The following RALGPS2 variants were observed in gnomAD, a reference collection of about 807,000 sequenced individuals.
RALGPS2 encodes Ral GEF with PH domain and SH3 binding motif 2, also known as ras-specific guanine nucleotide-releasing factor RalGPS2.
In RALGPS2, 43 loss-of-function variants were observed where a neutral mutation model predicts 86.8. That is an observed-to-expected ratio of 0.50 (90% CI 0.39 to 0.64). The LOEUF (loss-of-function observed/expected upper bound fraction) is 0.64. Among genes scored for constraint, RALGPS2 ranks in the 30% least tolerant of loss-of-function variants. The pLI, the probability that RALGPS2 is intolerant of heterozygous loss-of-function variation, is 0.00. For synonymous variants in RALGPS2, 243 were observed against 231.3 expected (o/e 1.05, Z -0.46); for missense variants, 536 against 694.6 (o/e 0.77, Z 2.57).
intron 4 of RALGPS2, among the ~76,000 whole-genome samples, chr1:178,786,155 A>G (rs952381854): frequency 2.0e-5 from 3 of 152,048 alleles, no homozygotes; most frequent in Admixed American, 1.3e-4. Context: ...TGCTATCTCA[A>G]GGGTGGTAGA....
At chr1:178,743,299 G>C (rs573733206) in intron 1 of RALGPS2, among the ~76,000 whole-genome samples, 1 of 152,278 alleles carries the variant, frequency 6.6e-6, no homozygotes, top group South Asian at 2.1e-4. Flanking sequence ...CATAAGAAAA[G>C]AAGAAAGATC....
chr1:178,903,834 T>C (rs1391319890), intron 18 of RALGPS2, among the ~76,000 whole-genome samples: 3 of 152,166 alleles, frequency 2.0e-5, no homozygotes, highest in African/African-American at 7.2e-5. Flanking sequence ...ATCTTTTTCA[T>C]ATAATGACTT....
intron 5 of RALGPS2, among the ~76,000 whole-genome samples, chr1:178,810,283 A>G (rs1185148855): frequency 6.6e-6 from 1 of 152,030 alleles, no homozygotes; most frequent in Non-Finnish European, 1.5e-5. Flanking sequence ...GCTACTTAGG[A>G]GGCTGAGTCA....
intron 1 of RALGPS2, among the ~76,000 whole-genome samples, chr1:178,752,081 C>T (rs891485750): frequency 1.3e-5 from 2 of 151,860 alleles, no homozygotes; most frequent in African/African-American, 4.8e-5. Context: ...TAGTCTGCTA[C>T]CTAGTAGGTA....
Position 178,784,574 on chromosome 1 carries a change from G to A in RALGPS2, c.162+52G>A, listed in dbSNP as rs750621144. The A allele has an allele frequency of 3.0e-6, 4 of 1,350,188 alleles. No homozygotes were observed. In the South Asian group the frequency reaches 4.8e-5, roughly 16 times the overall value. 83.6% of individuals were successfully genotyped at this position (1,350,188 alleles called of 1,614,324 possible). A position where few individuals can be genotyped will look rare whatever the true frequency, so the allele number is the denominator to read the frequency against. On this transcript the variant is annotated intron_variant, in intron 3 of 19. Coordinates refer to ENST00000367635, the MANE Select transcript of RALGPS2 (RefSeq NM_152663.5). ...GGTTTTGCACATAATTTACATATTG[G>A]TGCTATTGAGTTAGAATTTGTAGGT...
intron 8 of RALGPS2, among the ~76,000 whole-genome samples, chr1:178,869,966 G>T (rs1463990427): frequency 6.6e-6 from 1 of 151,930 alleles, no homozygotes; most frequent in Non-Finnish European, 1.5e-5. Context: ...TGGCCTTTTA[G>T]TCATGAATTT....
chr1:178,868,616 G>C (rs1658561904), intron 8 of RALGPS2, among the ~76,000 whole-genome samples: 1 of 151,916 alleles, frequency 6.6e-6, no homozygotes. Flanking sequence ...TTAGGACTTT[G>C]CATCAGTGTT....
chr1:178,859,278 A>T (rs1485059627), intron 8 of RALGPS2, among the ~76,000 whole-genome samples: 13 of 152,120 alleles, frequency 8.5e-5, no homozygotes, highest in Non-Finnish European at 1.5e-4. Flanking sequence ...AACCAATTAT[A>T]CCTAAAAAGT....
At chr1:178,826,726 G>T (rs190764300) in intron 7 of RALGPS2, among the ~76,000 whole-genome samples, 9 of 152,252 alleles carry the variant, frequency 5.9e-5, no homozygotes, top group Admixed American at 5.9e-4. Flanking sequence ...TTTACTTAAA[G>T]TGGTTGAATA....
In RALGPS2 at chr1:178,819,819, C is replaced by CA. The variant is rs747025487; in HGVS notation, c.388-1792dup. 3.3e-5 allele frequency among the ~76,000 whole-genome samples: 5 copies of CA among 152,316 alleles called. No homozygotes were observed. The East Asian group carries it at 9.6e-4, about 29-fold the overall frequency. On this transcript the variant is annotated intron_variant, in intron 6 of 19. Coordinates refer to ENST00000367635, the MANE Select transcript of RALGPS2 (RefSeq NM_152663.5). Reference sequence around the variant, plus strand: ...CATTCCCCCTCTTCAACTCCACTGACACTAATGTATCAGATCCTTCTCATC... The same window carrying CA: ...CATTCCCCCTCTTCAACTCCACTGACAACTAATGTATCAGATCCTTCTCATC...
At position 178,921,202 on chromosome 1, in the gene RALGPS2, C is replaced by T. The variant is rs1401250531; in HGVS notation, c.*4843C>T. On this transcript the variant is annotated 3_prime_UTR_variant, in exon 20 of 20. Transcript: ENST00000367635. ...AGCAAAATTTAAATTTTGACCCTGG[C>T]CATTTGTACTACAGAAGTGATTATG... 1.3e-5 allele frequency: 2 copies of T among 151,780 alleles called. No individual in the cohort carries two copies. Among genetic ancestry groups the T allele is most frequent in the Non-Finnish European group, 2.9e-5 (2 of 67,874 alleles). 9.4% of individuals were successfully genotyped at this position (151,780 alleles called of 1,614,324 possible).
At chr1:178,894,826 CT>C (rs926502274) in intron 16 of RALGPS2, among the ~76,000 whole-genome samples, 10 of 151,814 alleles carry the variant, frequency 6.6e-5, no homozygotes, top group Admixed American at 5.9e-4. Context: ...AAATCCTGTA[CT>C]TTTTTTTACC....
intron 8 of RALGPS2, among the ~76,000 whole-genome samples, chr1:178,857,044 A>G (rs753069804): frequency 6.6e-6 from 1 of 152,192 alleles, no homozygotes. Flanking sequence ...AGAAACATGC[A>G]TTGTAGTCAA....
chr1:178,887,442 G>A lies in RALGPS2; in HGVS notation c.1192+1322G>A, dbSNP rs142820282. Among the ~76,000 whole-genome samples, 976 of 152,262 alleles carry A rather than the reference G, an allele frequency of 6.4e-3. 11 individuals carry two copies. The highest frequency in any genetic ancestry group is 0.022 in the African/African-American group (907 of 41,548). On this transcript the variant is annotated intron_variant, in intron 13 of 19. Coordinates refer to ENST00000367635, the MANE Select transcript of RALGPS2 (RefSeq NM_152663.5). ...CACTACCCTGCCTGGATCACAGAGC[G>A]AGATTCTGTCTCAAAAAAAGAAAGA...
chr1:178,898,592 A>G (rs866891825), intron 17 of RALGPS2, among the ~76,000 whole-genome samples: 1 of 151,812 alleles, frequency 6.6e-6, no homozygotes, highest in Admixed American at 6.6e-5. Flanking sequence ...AGCTATACCC[A>G]CCACCTGCCA....
chr1:178,772,702 T>C (rs1486327443), intron 1 of RALGPS2, among the ~76,000 whole-genome samples: 1 of 152,238 alleles, frequency 6.6e-6, no homozygotes, highest in Non-Finnish European at 1.5e-5. Context: ...ATAGTTTAGT[T>C]CAAATGTGAC....
intron 1 of RALGPS2, among the ~76,000 whole-genome samples, chr1:178,743,389 A>G (rs929572610): frequency 1.3e-5 from 2 of 152,212 alleles, no homozygotes; most frequent in African/African-American, 2.4e-5. Flanking sequence ...GGGTATACTA[A>G]AGATCAGTGT....
At chr1:178,822,819 G>T (rs896151828) in intron 7 of RALGPS2, among the ~76,000 whole-genome samples, 2 of 152,144 alleles carry the variant, frequency 1.3e-5, no homozygotes, top group African/African-American at 4.8e-5. Context: ...TTAGGGAAAA[G>T]AATTATACGC....
intron 1 of RALGPS2, among the ~76,000 whole-genome samples, chr1:178,755,419 T>A (rs559739955): frequency 6.6e-6 from 1 of 152,202 alleles, no homozygotes; most frequent in East Asian, 1.9e-4. Context: ...CTCCCACTTA[T>A]AAGTGAGAAC....
Sources: gnomAD v4.1 joint callset for allele counts (sites outside exome capture counted in the v4.1 genomes callset) on GRCh38, gnomAD v4.1.1 for gene constraint, MANE v1.5 for transcripts, NCBI Gene and HGNC (gene_info 2026-07-23, HGNC 2026-07-21) for gene names.